Variants in MAPK4 observed in about 807,000 individuals in gnomAD.
MAPK4 encodes the protein mitogen-activated protein kinase 4.
Under a neutral mutation model 47.7 loss-of-function variants are expected in MAPK4, and 22 were observed. That is an observed-to-expected ratio of 0.46 (90% CI 0.33 to 0.66). The LOEUF (loss-of-function observed/expected upper bound fraction) is 0.66. Among genes scored for constraint, MAPK4 ranks in the 30% least tolerant of loss-of-function variants. MAPK4 has a pLI of 0.02. For synonymous variants in MAPK4, 390 were observed against 365.7 expected, an observed-to-expected ratio of 1.07 and a Z score of -0.76; for missense variants, 736 against 831.7, an observed-to-expected ratio of 0.88 and a Z score of 1.42.
Position 50,671,159 on chromosome 18 carries a change from C to T in MAPK4, c.546+6655C>T, listed in dbSNP as rs758310795. ...ATGGTGGGAATCTCAGGCTCTGTGA[C>T]AGGGGTCATGTGGATTGTTTTAAGC... On this transcript the variant is annotated intron_variant, in intron 2 of 5. Transcript: ENST00000400384. Among the ~76,000 whole-genome samples the T allele has an allele frequency of 3.4e-4, 52 of 152,162 alleles. 1 individual carries two copies. The highest frequency in any genetic ancestry group is 7.2e-4 in the Admixed American group (11 of 15,280).
intron 2 of MAPK4, among the ~76,000 whole-genome samples, chr18:50,688,100 A>G (rs1026583109): frequency 1.3e-5 from 2 of 152,116 alleles, no homozygotes; most frequent in African/African-American, 4.8e-5. Context: ...GGGTATAGAC[A>G]TCTAATGACT....
At chr18:50,668,618 G>A (rs1907743709) in intron 2 of MAPK4, among the ~76,000 whole-genome samples, 1 of 152,192 alleles carries the variant, frequency 6.6e-6, no homozygotes, top group Admixed American at 6.5e-5. Context: ...AATGGAGGAT[G>A]TTCCCTTTCA....
chr18:50,607,156 CACTT>C (rs1227009815), intron 1 of MAPK4, among the ~76,000 whole-genome samples: 4 of 152,266 alleles, frequency 2.6e-5, no homozygotes, highest in Admixed American at 1.3e-4. Context: ...ATTTAATAAA[CACTT>C]ACTATGTGCC....
At chr18:50,578,283 A>G (rs1285131653) in intron 1 of MAPK4, among the ~76,000 whole-genome samples, 1 of 152,254 alleles carries the variant, frequency 6.6e-6, no homozygotes, top group Non-Finnish European at 1.5e-5. Flanking sequence ...AGCCGCTTCT[A>G]ATGGTCTTTG....
rs532854587 is a variant in MAPK4 at position 50,729,228 on chromosome 18, C to G, written c.1138C>G (p.Arg380Gly). The G allele has an allele frequency of 6.2e-7, 1 of 1,607,618 alleles. No individual in the cohort carries two copies. Among genetic ancestry groups the G allele is most frequent in the African/African-American group, 1.3e-5 (1 of 74,906 alleles). Reference sequence around the variant, plus strand: ...GTGCCAGGACGCCAGCGAGGTACAGCGCGACCCGCGCGCGGGTTCGGCGCC... The same window carrying G: ...GTGCCAGGACGCCAGCGAGGTACAGGGCGACCCGCGCGCGGGTTCGGCGCC... ...DRCQDASEVQ[R>G]DPRAGSAPLA... Residue 380 changes from arginine (R) to glycine (G), a missense_variant, in exon 6 of 6, where the codon CGC becomes GGC. Around this residue, in one of 3 missense-constraint regions of MAPK4, gnomAD observed 377 missense variants for 378.6 expected, o/e 1.00. Transcript: ENST00000400384.
chr18:50,641,399 T>A (rs971470442), intron 1 of MAPK4, among the ~76,000 whole-genome samples: 1 of 147,078 alleles, frequency 6.8e-6, no homozygotes, highest in Non-Finnish European at 1.5e-5. Context: ...GATACTTGAT[T>A]TGAACTTTTT....
At chr18:50,645,688 G>A (rs1477242091) in intron 1 of MAPK4, among the ~76,000 whole-genome samples, 1 of 152,158 alleles carries the variant, frequency 6.6e-6, no homozygotes, top group Admixed American at 6.5e-5. Flanking sequence ...CATTACACGG[G>A]CCTTATGGTC....
chr18:50,621,531 G>A (rs183129537), intron 1 of MAPK4, among the ~76,000 whole-genome samples: 9 of 152,228 alleles, frequency 5.9e-5, no homozygotes, highest in Admixed American at 2.0e-4. Flanking sequence ...GCCACAATCC[G>A]CCAAGAAGCC....
intron 1 of MAPK4, among the ~76,000 whole-genome samples, chr18:50,625,474 C>A (rs1035561289): frequency 4.6e-5 from 7 of 152,150 alleles, no homozygotes; most frequent in Non-Finnish European, 1.0e-4. Context: ...TCACAAACCC[C>A]CATTCCGTGA....
intron 2 of MAPK4, among the ~76,000 whole-genome samples, chr18:50,679,001 C>G (rs1598902181): frequency 1.3e-5 from 2 of 152,164 alleles, no homozygotes; most frequent in African/African-American, 4.8e-5. Context: ...GCAGTAAGCT[C>G]GATGAAGCCA....
chr18:50,621,023 C>T (rs1598834639), intron 1 of MAPK4, among the ~76,000 whole-genome samples: 2 of 152,178 alleles, frequency 1.3e-5, no homozygotes, highest in African/African-American at 4.8e-5. Context: ...CAGTGCTTAA[C>T]TTTATCGATC....
At chr18:50,639,964 T>C (rs1472980744) in intron 1 of MAPK4, among the ~76,000 whole-genome samples, 2 of 152,256 alleles carry the variant, frequency 1.3e-5, no homozygotes, top group Non-Finnish European at 2.9e-5. Context: ...CTGATATTTA[T>C]AGCCACCTCA....
intron 1 of MAPK4, among the ~76,000 whole-genome samples, chr18:50,604,347 A>G (rs902991973): frequency 6.6e-6 from 1 of 152,216 alleles, no homozygotes; most frequent in Non-Finnish European, 1.5e-5. Flanking sequence ...AGAGTGATCA[A>G]TCATGCTCTT....
In MAPK4 at chr18:50,569,574, A is replaced by G. The variant is rs374731041; in HGVS notation, c.-871+9331A>G. Among the ~76,000 whole-genome samples the G allele has an allele frequency of 1.6e-4, 24 of 152,330 alleles. No homozygotes were observed. The East Asian group carries it at 4.6e-3, about 29-fold the overall frequency. On this transcript the variant is annotated intron_variant, in intron 1 of 5. Coordinates refer to ENST00000400384, the MANE Select transcript of MAPK4 (RefSeq NM_002747.4). ...AGAGGGTGTCCAAGGGAGACAATAC[A>G]GTCGTGGGTTCTTAGTTTCCATTTC...
In MAPK4 at chr18:50,664,238, G is replaced by T; in HGVS notation, c.280G>T (p.Glu94Ter). The change falls in exon 2 of 6, where the codon GAG (glutamate) becomes TAG (stop). Residue 94 changes from glutamate to a stop codon, truncating the protein, a stop_gained. Transcript: ENST00000400384. LOFTEE classifies it high-confidence loss of function. The surrounding 1 kb of genome is among the most constrained non-coding windows in gnomAD (Gnocchi z 6.0). ...TCCCAAGGGCACTGACCTGCAGGGTGAGCTGTTCAAGTTCAGCGTGGCGTA... is the reference window on the plus strand; with the variant it reads ...TCCCAAGGGCACTGACCTGCAGGGTTAGCTGTTCAAGTTCAGCGTGGCGTA... ...LGPKGTDLQG[E>*]LFKFSVAYIV... The T allele has an allele frequency of 6.2e-7, 1 of 1,614,036 alleles. No homozygotes were observed. The highest frequency in any genetic ancestry group is 8.5e-7 in the Non-Finnish European group (1 of 1,180,026).
chr18:50,584,250 C>T (rs541511565), intron 1 of MAPK4, among the ~76,000 whole-genome samples: 1 of 152,282 alleles, frequency 6.6e-6, no homozygotes, highest in East Asian at 1.9e-4. Context: ...TATGTCTCTT[C>T]TCTATTAAAG....
intron 1 of MAPK4, among the ~76,000 whole-genome samples, chr18:50,566,222 C>A (rs1372928271): frequency 6.6e-6 from 1 of 152,272 alleles, no homozygotes; most frequent in East Asian, 1.9e-4. Flanking sequence ...CATTGCTAGT[C>A]TTTCATTTGT....
intron 2 of MAPK4, among the ~76,000 whole-genome samples, chr18:50,714,620 A>C (rs1910541621): frequency 6.6e-6 from 1 of 152,342 alleles, no homozygotes; most frequent in African/African-American, 2.4e-5. Context: ...TTCAGTGTCA[A>C]AGCAACCAGC....
At position 50,597,011 on chromosome 18, in the gene MAPK4, T is replaced by C. The variant is rs570114861; in HGVS notation, c.-871+36768T>C. ...AAGTGTTCAATTTAAAAGCACAGAT[T>C]TTGGCATCGGATCTTAAGTGTTATG... On this transcript the variant is annotated intron_variant, in intron 1 of 5. Transcript: ENST00000400384. Among the ~76,000 whole-genome samples, 83 of 152,298 alleles carry C rather than the reference T, an allele frequency of 5.4e-4. No homozygotes were observed. In the South Asian group the frequency reaches 0.017, roughly 30 times the overall value.
Sources: gnomAD v4.1 joint callset for allele counts (sites outside exome capture counted in the v4.1 genomes callset) on GRCh38, gnomAD v4.1.1 for gene constraint, gnomAD v4.1.1 regional missense constraint, Gnocchi (gnomAD v3.1) non-coding constraint, MANE v1.5 for transcripts, NCBI Gene and HGNC (gene_info 2026-07-23, HGNC 2026-07-21) for gene names.